Variants in EML4 observed in about 807,000 individuals in gnomAD.
The protein encoded by EML4 is echinoderm microtubule-associated protein-like 4.
In EML4, 72 loss-of-function variants were observed where a neutral mutation model predicts 129.0. That is an observed-to-expected ratio of 0.56 (90% CI 0.46 to 0.68). EML4 has a LOEUF of 0.68. Ranked by LOEUF, EML4 falls within the 30% of genes least tolerant of loss-of-function variation. The pLI, the probability that EML4 is intolerant of heterozygous loss-of-function variation, is 0.00. For missense variants in EML4, 1,363 were observed against 1,190.6 expected (o/e 1.14, Z -2.13); for synonymous variants, 532 against 405.0 (o/e 1.31, Z -3.77).
chr2:42,212,581 A>G (rs1332833210), intron 1 of EML4, among the ~76,000 whole-genome samples: 1 of 152,164 alleles, frequency 6.6e-6, no homozygotes, highest in African/African-American at 2.4e-5. Context: ...CCCTGCTAAA[A>G]TTCTTTCTTA....
At chr2:42,317,270 A>G (rs1260520798) in intron 18 of EML4, among the ~76,000 whole-genome samples, 157 bp from the exon 19 acceptor site, 2 of 152,220 alleles carry the variant, frequency 1.3e-5, no homozygotes, top group Non-Finnish European at 2.9e-5. Context: ...CTGGATGACC[A>G]TTTATTTTTC....
At chr2:42,304,848 G>A (rs1032168879) in intron 17 of EML4, among the ~76,000 whole-genome samples, 6 of 152,152 alleles carry the variant, frequency 3.9e-5, no homozygotes, top group East Asian at 1.9e-4. Context: ...AAGCCCTGAC[G>A]CAGCCAGGCA....
chr2:42,241,845 A>G (rs141819303), intron 1 of EML4, among the ~76,000 whole-genome samples: 38 of 146,656 alleles, frequency 2.6e-4, no homozygotes, highest in African/African-American at 8.2e-4. Context: ...CCAGTGTAAA[A>G]TATAGATTGT....
At chr2:42,209,118 TA>T (rs1376607372) in intron 1 of EML4, among the ~76,000 whole-genome samples, 1 of 152,188 alleles carries the variant, frequency 6.6e-6, no homozygotes, top group East Asian at 1.9e-4. Flanking sequence ...AATGAGAAAT[TA>T]CAGTGTATTA....
At position 42,278,581 on chromosome 2, in the gene EML4, A is replaced by G. The variant is rs1484398255; in HGVS notation, c.668-2269A>G. On this transcript the variant is annotated intron_variant, in intron 6 of 22. Transcript: ENST00000318522. ...AGAGCGGGACTCCATCTCAAAAAAA[A>G]AAAAAAAAAAAAAAAAAAAAAATCC... Among the ~76,000 whole-genome samples the G allele has an allele frequency of 6.9e-3, 928 of 135,266 alleles. 4 individuals carry two copies. The highest frequency in any genetic ancestry group is 0.023 in the African/African-American group (881 of 37,912). 88.7% of individuals were successfully genotyped at this position (135,266 alleles called of 152,430 possible). A position where few individuals can be genotyped will look rare whatever the true frequency, so the allele number is the denominator to read the frequency against.
chr2:42,223,774 T>C (rs555836863), intron 1 of EML4, among the ~76,000 whole-genome samples: 1 of 152,260 alleles, frequency 6.6e-6, no homozygotes, highest in African/African-American at 2.4e-5. Flanking sequence ...TGAATAAATA[T>C]GCATAATAGT....
At chr2:42,290,305 C>A (rs1420074991) in intron 11 of EML4, among the ~76,000 whole-genome samples, 1 of 151,916 alleles carries the variant, frequency 6.6e-6, no homozygotes, top group Non-Finnish European at 1.5e-5. Context: ...GCTTAAGTCA[C>A]AAGGATTTGG....
chr2:42,326,119 C>T (rs757860269), intron 20 of EML4, 35 bp from the exon 21 acceptor site: 1 of 1,608,920 alleles, frequency 6.2e-7, no homozygotes, highest in Non-Finnish European at 8.5e-7. Context: ...TGTACACAAG[C>T]ACTATGATTA....
chr2:42,310,902 A>T (rs1185251784), intron 17 of EML4, among the ~76,000 whole-genome samples: 1 of 152,232 alleles, frequency 6.6e-6, no homozygotes, highest in African/African-American at 2.4e-5. Context: ...AGTCCTTACA[A>T]TGAAAAGGGG....
At chr2:42,211,178 T>C (rs1672864952) in intron 1 of EML4, among the ~76,000 whole-genome samples, 1 of 152,176 alleles carries the variant, frequency 6.6e-6, no homozygotes, top group African/African-American at 2.4e-5. Context: ...GTATGAAATA[T>C]GGTCTCCCAT....
intron 6 of EML4, among the ~76,000 whole-genome samples, chr2:42,269,649 T>C (rs1318192949): frequency 2.0e-5 from 3 of 152,178 alleles, no homozygotes; most frequent in Non-Finnish European, 4.4e-5. Context: ...GAATGAAATA[T>C]GAAGTATGTA....
At chr2:42,255,914 T>G (rs1300508970) in intron 2 of EML4, among the ~76,000 whole-genome samples, 8 of 152,246 alleles carry the variant, frequency 5.3e-5, no homozygotes, top group Non-Finnish European at 1.0e-4. Context: ...ATGTTCTCTA[T>G]TCCCAAATCT....
At chr2:42,257,632 G>A (rs1351707357) in intron 3 of EML4, among the ~76,000 whole-genome samples, 2 of 152,014 alleles carry the variant, frequency 1.3e-5, no homozygotes, top group African/African-American at 4.8e-5. Flanking sequence ...TCAGGAGATC[G>A]AGACCATCCT....
chr2:42,264,109 T>TG (rs1558554142), intron 5 of EML4, among the ~76,000 whole-genome samples: 2 of 139,794 alleles, frequency 1.4e-5, no homozygotes, highest in African/African-American at 5.3e-5. Context: ...ACGTGTTTTT[T>TG]TTTTTTTTTT....
At chr2:42,179,413 A>C (rs1670802287) in intron 1 of EML4, among the ~76,000 whole-genome samples, 1 of 152,170 alleles carries the variant, frequency 6.6e-6, no homozygotes, top group South Asian at 2.1e-4. Flanking sequence ...ATATTATTGG[A>C]TCACTTGGCA....
chr2:42,230,703 G>C (rs1052072141), intron 1 of EML4, among the ~76,000 whole-genome samples: 3 of 152,214 alleles, frequency 2.0e-5, no homozygotes, highest in Non-Finnish European at 4.4e-5. Context: ...ACCGTGCCCA[G>C]CCAGCTCAAG....
At chr2:42,259,721 T>C (rs1196278466) in intron 3 of EML4, among the ~76,000 whole-genome samples, 1 of 115,552 alleles carries the variant, frequency 8.7e-6, no homozygotes, top group Admixed American at 8.3e-5. Context: ...TTTCTTTCTT[T>C]CTTTTTTTTT....
intron 7 of EML4, among the ~76,000 whole-genome samples, chr2:42,281,804 T>G (rs577952418): frequency 6.6e-6 from 1 of 152,112 alleles, no homozygotes; most frequent in East Asian, 1.9e-4. Context: ...TTTCACTTCT[T>G]TTAGAACCTC....
In EML4 at chr2:42,261,258, A is replaced by C; in HGVS notation, c.476A>C (p.Gln159Pro). ...TCACAACCTCTCCAAATACACAGAC[A>C]AACTCCAGAAAGCAAGAATGCTACT... ...PSSQPLQIHR[Q>P]TPESKNATPT... Residue 159 changes from glutamine (Q) to proline (P), a missense_variant, in exon 4 of 23, where the codon CAA (glutamine) becomes CCA (proline). Physicochemically the swap from Gln to Pro is moderately conservative, Grantham distance 76 (BLOSUM62 -1). Coordinates refer to ENST00000318522, the MANE Select transcript of EML4 (RefSeq NM_019063.5). 1.2e-6 allele frequency: 2 copies of C among 1,613,846 alleles called. No homozygotes were observed. Among genetic ancestry groups the C allele is most frequent in the East Asian group, 2.2e-5 (1 of 44,870 alleles).
Sources: gnomAD v4.1 joint callset for allele counts (sites outside exome capture counted in the v4.1 genomes callset) on GRCh38, gnomAD v4.1.1 for gene constraint, MANE v1.5 for transcripts, NCBI Gene and HGNC (gene_info 2026-07-23, HGNC 2026-07-21) for gene names.